The following CPEB3 variants were observed in gnomAD, a reference collection of about 807,000 sequenced individuals.
CPEB3 encodes the protein cytoplasmic polyadenylation element binding protein 3.
A neutral mutation model predicts 67.2 loss-of-function variants in CPEB3; 20 were observed. The observed-to-expected ratio is 0.30, with a 90% confidence interval of 0.21 to 0.43. CPEB3 has a LOEUF of 0.43. Ranked by LOEUF, CPEB3 falls within the 20% of genes least tolerant of loss-of-function variation. The pLI is 1.00. For synonymous variants in CPEB3, 376 were observed against 393.1 expected (o/e 0.96, Z 0.51); for missense variants, 746 against 968.6 (o/e 0.77, Z 3.05).
Position 92,239,795 on chromosome 10 carries a change from G to C in CPEB3, c.556C>G (p.Pro186Ala). 1.4e-6 allele frequency: 2 copies of C among 1,412,820 alleles called. No individual in the cohort carries two copies. The highest frequency in any genetic ancestry group is 1.8e-6 in the Non-Finnish European group (2 of 1,090,020). The allele number at this position is 1,412,820 out of a possible 1,614,324, so 87.5% of individuals were successfully genotyped here. Residue 186 changes from proline to alanine, a missense_variant, in exon 2 of 10, where the codon CCC becomes GCC. Pro to Ala is a conservative substitution (Grantham distance 27). Coordinates refer to ENST00000265997, the MANE Select transcript of CPEB3 (RefSeq NM_014912.5). The surrounding 1 kb of genome is among the most constrained non-coding windows in gnomAD (Gnocchi z 6.0). ...AQPAQPPQAQ[P>A]PQQRRSPASP... is the part of the protein sequence containing the mutation. ...GCGGGTGAGCGGCGCTGCTGCGGGG[G>C]CTGCGCCTGTGGTGGCTGCGCTGGC...
chr10:92,114,972 A>G (rs1034637893), intron 6 of CPEB3, among the ~76,000 whole-genome samples: 1 of 152,258 alleles, frequency 6.6e-6, no homozygotes, highest in Non-Finnish European at 1.5e-5. Flanking sequence ...CATTACAAAC[A>G]TTAGAATTCA....
intron 7 of CPEB3, among the ~76,000 whole-genome samples, chr10:92,098,343 T>C (rs757210099): frequency 6.6e-6 from 1 of 152,048 alleles, no homozygotes; most frequent in Non-Finnish European, 1.5e-5. Flanking sequence ...AGTTTCGCTC[T>C]TGTTGCCCAG....
chr10:92,101,354 T>G (rs1016022724), intron 7 of CPEB3, among the ~76,000 whole-genome samples: 5 of 152,100 alleles, frequency 3.3e-5, no homozygotes, highest in African/African-American at 1.2e-4. Flanking sequence ...CTCTCCCCAA[T>G]CCTACAATCC....
intron 9 of CPEB3, among the ~76,000 whole-genome samples, chr10:92,070,866 A>C (rs958287965): frequency 1.3e-5 from 2 of 152,008 alleles, no homozygotes; most frequent in South Asian, 2.1e-4. Flanking sequence ...AAAAAAAAAA[A>C]AAACTCAAAT....
intron 2 of CPEB3, among the ~76,000 whole-genome samples, chr10:92,212,604 T>G (rs1156684863): frequency 6.6e-6 from 1 of 152,186 alleles, no homozygotes; most frequent in African/African-American, 2.4e-5. Flanking sequence ...ATGTGGCTAT[T>G]GAGCACTTGA....
chr10:92,160,619 C>T (rs1847427329), intron 4 of CPEB3, among the ~76,000 whole-genome samples: 1 of 152,080 alleles, frequency 6.6e-6, no homozygotes, highest in Non-Finnish European at 1.5e-5. Context: ...TATTTCTCTC[C>T]CAAACAACAA....
chr10:92,267,554 T>C (rs1455006407), intron 1 of CPEB3, among the ~76,000 whole-genome samples: 4 of 152,294 alleles, frequency 2.6e-5, no homozygotes, highest in Admixed American at 1.3e-4. Flanking sequence ...AGCTGTGACA[T>C]GCTTTAAAAA....
At chr10:92,285,033 G>A (rs577874400) in intron 1 of CPEB3, among the ~76,000 whole-genome samples, 1 of 152,294 alleles carries the variant, frequency 6.6e-6, no homozygotes. Flanking sequence ...GCATAAACTG[G>A]TAAGAGCCTT....
intron 6 of CPEB3, chr10:92,118,619 A>T (rs1845159327): frequency 2.0e-6 from 1 of 492,816 alleles, no homozygotes. Context: ...ATTAAAGGAG[A>T]TTAAAGAGAT....
intron 1 of CPEB3, among the ~76,000 whole-genome samples, chr10:92,246,485 T>A (rs993963986): frequency 1.3e-5 from 2 of 152,082 alleles, no homozygotes; most frequent in African/African-American, 4.8e-5. Flanking sequence ...ATAGATTTTT[T>A]AAATTATTTG....
At chr10:92,236,315 C>T (rs1851530180) in intron 2 of CPEB3, among the ~76,000 whole-genome samples, 1 of 152,196 alleles carries the variant, frequency 6.6e-6, no homozygotes, top group African/African-American at 2.4e-5. Flanking sequence ...CTCTCAGGAT[C>T]TCAGTCTCCC....
chr10:92,233,456 G>C (rs1851370352), intron 2 of CPEB3, among the ~76,000 whole-genome samples: 1 of 150,436 alleles, frequency 6.6e-6, no homozygotes, highest in African/African-American at 2.4e-5. Flanking sequence ...AGAATTGCTT[G>C]AACAGGGAAG....
intron 2 of CPEB3, among the ~76,000 whole-genome samples, chr10:92,201,906 C>T (rs145344194): frequency 3.9e-5 from 6 of 152,244 alleles, no homozygotes; most frequent in Non-Finnish European, 8.8e-5. Context: ...AACTGTAAGT[C>T]TCATGGGAGC....
chr10:92,121,288 G>A (rs560525688), intron 6 of CPEB3, among the ~76,000 whole-genome samples: 10 of 150,756 alleles, frequency 6.6e-5, no homozygotes, highest in East Asian at 3.9e-4. Flanking sequence ...GATTACAGGC[G>A]TGAGCCACCA....
At position 92,086,958 on chromosome 10, in the gene CPEB3, G is replaced by A. The variant is rs964844122; in HGVS notation, c.1687+4872C>T. Among the ~76,000 whole-genome samples the A allele has an allele frequency of 6.6e-5, 10 of 152,120 alleles. No individual in the cohort carries two copies. The East Asian group carries it at 7.7e-4, about 12-fold the overall frequency. On this transcript the variant is annotated intron_variant, in intron 8 of 9. Transcript: ENST00000265997. ...AGTATGCCAAATCTGGAGTTTATCC[G>A]GGACAACCCATACTGAACTTAGGAC... is the stretch of plus-strand genomic sequence containing the variant.
chr10:92,235,266 C>T (rs760099463), intron 2 of CPEB3, among the ~76,000 whole-genome samples: 2 of 152,044 alleles, frequency 1.3e-5, no homozygotes, highest in African/African-American at 2.4e-5. Context: ...ACTAATAGGG[C>T]GAAATTCCAT....
At chr10:92,143,238 C>T in intron 5 of CPEB3, 120 bp from the exon 6 acceptor site, 1 of 647,298 alleles carries the variant, frequency 1.5e-6, no homozygotes, top group Admixed American at 3.1e-5. Context: ...TTTTCTATAG[C>T]ATCTTTACGG....
rs1417726704 is a variant in CPEB3 at position 92,280,921 on chromosome 10, G to A, written c.-12+10005C>T. Among the ~76,000 whole-genome samples the A allele has an allele frequency of 4.0e-5, 6 of 151,100 alleles. No individual in the cohort carries two copies. The South Asian group carries it at 8.4e-4, about 21-fold the overall frequency. On this transcript the variant is annotated intron_variant, in intron 1 of 9. Transcript: ENST00000265997. The stretch of plus-strand genomic sequence containing the variant: ...ATTACAGGTGTGTGCCACCACGCCC[G>A]GCTAATTTTTGCATTATTAGTAGAG...
intron 2 of CPEB3, among the ~76,000 whole-genome samples, chr10:92,225,692 T>C (rs1262524179): frequency 1.3e-5 from 2 of 152,108 alleles, no homozygotes; most frequent in African/African-American, 4.8e-5. Context: ...ACTGTAAAAC[T>C]GCATAAACAG....
Sources: gnomAD v4.1 joint callset for allele counts (sites outside exome capture counted in the v4.1 genomes callset) on GRCh38, gnomAD v4.1.1 for gene constraint, Gnocchi (gnomAD v3.1) non-coding constraint, MANE v1.5 for transcripts, NCBI Gene and HGNC (gene_info 2026-07-23, HGNC 2026-07-21) for gene names.